The following SLX4 variants were observed in gnomAD, a reference collection of about 807,000 sequenced individuals.
The protein encoded by SLX4 is structure-specific endonuclease subunit SLX4.
In SLX4, 112 loss-of-function variants were observed where a neutral mutation model predicts 146.2. The ratio of observed to expected loss-of-function variants is 0.77; its 90% CI spans 0.66 to 0.90. The LOEUF (loss-of-function observed/expected upper bound fraction) is 0.90, where lower values mean the gene tolerates loss of function less well. Ranked by LOEUF, SLX4 falls within the 40% of genes least tolerant of loss-of-function variation. SLX4 has a pLI of 0.00. For missense variants in SLX4, 2,563 were observed against 2,392.7 expected, an observed-to-expected ratio of 1.07 and a Z score of -1.49; for synonymous variants, 1,061 against 997.7, an observed-to-expected ratio of 1.06 and a Z score of -1.20.
At chr16:3,584,193 C>T (rs907132819) in intron 13 of SLX4, among the ~76,000 whole-genome samples, 2 of 152,010 alleles carry the variant, frequency 1.3e-5, no homozygotes, top group Non-Finnish European at 2.9e-5. Flanking sequence ...GAAGCCGAGG[C>T]GGGTGGATCA....
intron 12 of SLX4, among the ~76,000 whole-genome samples, chr16:3,587,137 G>A (rs2040516245): frequency 6.6e-6 from 1 of 152,184 alleles, no homozygotes; most frequent in Non-Finnish European, 1.5e-5. Flanking sequence ...GAGAAGCACT[G>A]AACTGTCCAT....
At chr16:3,586,474 T>C (rs1428558636) in intron 12 of SLX4, among the ~76,000 whole-genome samples, 1 of 151,396 alleles carries the variant, frequency 6.6e-6, no homozygotes, top group African/African-American at 2.4e-5. Context: ...TGAGCTGTAA[T>C]TGCGCCACTG....
chr16:3,597,957 G>T lies in SLX4; in HGVS notation c.1206C>A (p.Thr402=), dbSNP rs748087847. The T allele has an allele frequency of 6.2e-7, 1 of 1,614,130 alleles. No individual in the cohort carries two copies. Among genetic ancestry groups the T allele is most frequent in the Non-Finnish European group, 8.5e-7 (1 of 1,180,038 alleles). ...HSRGLKRRGP[T]SKKEPRKRRK... is the part of the protein sequence containing the mutation. ...GCCTCTTCCGTGGCTCCTTCTTGCT[G>T]GTGGGTCCTCTCCGTTTCAGACCTC... The change falls in exon 6 of 15, where the codon ACC becomes ACA. Residue 402 remains threonine (T), a synonymous_variant. Coordinates refer to ENST00000294008, the MANE Select transcript of SLX4 (RefSeq NM_032444.4). The surrounding 1 kb of genome is among the most constrained non-coding windows in gnomAD (Gnocchi z 4.4).
At position 3,609,003 on chromosome 16, in the gene SLX4, G is replaced by GTTTGCA; in HGVS notation, c.-45_-40dup. Reference sequence around the variant, plus strand: ...TACTTCTCCATTAGATACTTGGAGAGTTTGCACAATTGAACAAAAAGTACT... The same window carrying GTTTGCA: ...TACTTCTCCATTAGATACTTGGAGAGTTTGCATTTGCACAATTGAACAAAAAGTACT... On this transcript the variant is annotated 5_prime_UTR_variant, in exon 2 of 15. The change creates a new upstream start codon in the 5' untranslated region. Transcript: ENST00000294008. The GTTTGCA allele has an allele frequency of 6.3e-7, 1 of 1,598,532 alleles. No homozygotes were observed. Among genetic ancestry groups the GTTTGCA allele is most frequent in the Non-Finnish European group, 8.5e-7 (1 of 1,173,680 alleles).
intron 10 of SLX4, among the ~76,000 whole-genome samples, chr16:3,594,242 C>T (rs914412237): frequency 6.6e-6 from 1 of 152,126 alleles, no homozygotes; most frequent in Non-Finnish European, 1.5e-5. Flanking sequence ...CACACCCACT[C>T]CTAACCTCAA....
At position 3,582,229 on chromosome 16, in the gene SLX4, G is replaced by A. The variant is rs76661336; in HGVS notation, c.*113C>T. 49,034 of 840,902 alleles carry A rather than the reference G, an allele frequency of 0.058. 1,658 individuals are homozygous for A. Among genetic ancestry groups the A allele is most frequent in the Admixed American group, 0.066 (3,131 of 47,434 alleles). The allele number at this position is 840,902 out of a possible 1,614,324, so 52.1% of individuals were successfully genotyped here. A position where few individuals can be genotyped will look rare whatever the true frequency, so the allele number is the denominator to read the frequency against. On this transcript the variant is annotated 3_prime_UTR_variant, in exon 15 of 15. Coordinates refer to ENST00000294008, the MANE Select transcript of SLX4 (RefSeq NM_032444.4). ...AGCGCAGAGCTGATGTGGTCCCCAG[G>A]CCCAGAAATGCCTGTGGAGGCCTGA...
chr16:3,585,010 TCAC>T (rs944858380), intron 12 of SLX4, 139 bp from the exon 13 acceptor site: 1 of 731,766 alleles, frequency 1.4e-6, no homozygotes, highest in Non-Finnish European at 2.5e-6. Flanking sequence ...GCAACAGTGG[TCAC>T]CCCTTCCCTG....
In SLX4 at chr16:3,608,809, T is replaced by C; in HGVS notation, c.156A>G (p.Lys52=). Residue 52 remains lysine (K), a synonymous_variant, in exon 2 of 15, where the codon AAA becomes AAG. Coordinates refer to ENST00000294008, the MANE Select transcript of SLX4 (RefSeq NM_032444.4). The part of the protein sequence containing the change: ...QMMDESDEDF[K]ELCASFFQRV... The stretch of plus-strand genomic sequence containing the variant: ...TTTGGAAAAAGCTAGCGCAGAGTTC[T>C]TTAAAGTCCTCATCAGACTCATCCA... 6.2e-7 allele frequency: 1 copy of C among 1,614,166 alleles called. No individual in the cohort carries two copies. The highest frequency in any genetic ancestry group is 8.5e-7 in the Non-Finnish European group (1 of 1,180,042).
At chr16:3,606,105 C>T (rs983378772) in intron 3 of SLX4, among the ~76,000 whole-genome samples, 3 of 151,618 alleles carry the variant, frequency 2.0e-5, no homozygotes, top group Admixed American at 6.6e-5. Context: ...ACTAAAAATA[C>T]AAAAATTGGC....
At chr16:3,598,310 A>C (rs2151132357) in intron 5 of SLX4, among the ~76,000 whole-genome samples, 1 of 152,322 alleles carries the variant, frequency 6.6e-6, no homozygotes, top group East Asian at 1.9e-4. Context: ...CAATGGAGTC[A>C]ACAATCGATG....
intron 12 of SLX4, among the ~76,000 whole-genome samples, chr16:3,585,329 G>A (rs2040495222): frequency 6.6e-6 from 1 of 152,190 alleles, no homozygotes; most frequent in African/African-American, 2.4e-5. Context: ...GCTCACGCCT[G>A]TAATCCCAGC....
chr16:3,600,736 G>A (rs180808202), intron 5 of SLX4: 3 of 442,572 alleles, frequency 6.8e-6, no homozygotes, highest in African/African-American at 6.1e-5. Context: ...AAGTAGCTGG[G>A]ACTACAGGCA....
Position 3,584,854 on chromosome 16 carries a change from T to G in SLX4, c.4654A>C (p.Lys1552Gln). 6.2e-7 allele frequency: 1 copy of G among 1,613,608 alleles called. No individual in the cohort carries two copies. The highest frequency in any genetic ancestry group is 1.7e-5 in the Admixed American group (1 of 60,012). ...LETPKGANRK[K>Q]NLPPKVPITP... is the part of the protein sequence containing the mutation. The stretch of plus-strand genomic sequence containing the variant: ...ATGGGCACTTTGGGGGGCAAGTTCT[T>G]CTTCCGATTAGCACCTTCTGGGTAA... The change falls in exon 13 of 15, where the codon AAG becomes CAG. Residue 1552 changes from lysine to glutamine, a missense_variant. By Grantham distance (53) the Lys-to-Gln change is moderately conservative. Transcript: ENST00000294008.
rs574924075 is a variant in SLX4, at chr16:3,607,902, G to A, written c.535+528C>T. 5.9e-5 allele frequency among the ~76,000 whole-genome samples: 9 copies of A among 152,186 alleles called. No homozygotes were observed. The South Asian group carries it at 1.9e-3, about 32-fold the overall frequency. ...AAAACAAGAGAAGCAGCATTATTGT[G>A]TTGTTTGTGTAACTCATGTCAATCA... On this transcript the variant is annotated intron_variant, in intron 2 of 14. Transcript: ENST00000294008.
intron 12 of SLX4, among the ~76,000 whole-genome samples, chr16:3,587,819 G>A (rs2040524940): frequency 6.6e-6 from 1 of 152,200 alleles, no homozygotes; most frequent in South Asian, 2.1e-4. Context: ...CTGGATTTTG[G>A]GAGGAAATGG....
chr16:3,593,575 AT>A (rs1026981317), intron 10 of SLX4, among the ~76,000 whole-genome samples: 2 of 152,158 alleles, frequency 1.3e-5, no homozygotes, highest in Admixed American at 6.5e-5. Flanking sequence ...GTTTATGCAG[AT>A]TTTTGGCCAA....
Position 3,589,072 on chromosome 16 carries a change from T to C in SLX4, c.4566A>G (p.Pro1522=). The C allele has an allele frequency of 1.2e-6, 2 of 1,614,138 alleles. No homozygotes were observed. Among genetic ancestry groups the C allele is most frequent in the Middle Eastern group, 1.7e-4 (1 of 6,060 alleles). Residue 1522 remains proline, a synonymous_variant, in exon 12 of 15, where the codon CCA becomes CCG. Transcript: ENST00000294008. This position sits in a 1 kb window ranked among gnomAD's most constrained non-coding sequence, Gnocchi z 6.2. The part of the protein sequence containing the change: ...DVWDGEEQRP[P]ETPPPAQMPS... ...GCATCTGGGCCGGAGGAGGGGTCTC[T>C]GGAGGCCTCTGCTCTTCCCCGTCCC... is the stretch of plus-strand genomic sequence containing the variant.
Position 3,596,140 on chromosome 16 carries a change from C to G in SLX4, c.1924+13G>C. ...GGGCAGGGCTGGCCCTAGAGTCCCA[C>G]CCAGCATCTCACCTGCAGTCCCTTC... On this transcript the variant is annotated intron_variant, in intron 8 of 14. Transcript: ENST00000294008. The G allele has an allele frequency of 3.2e-6, 5 of 1,547,870 alleles. No individual in the cohort carries two copies. The highest frequency in any genetic ancestry group is 3.5e-6 in the Non-Finnish European group (4 of 1,148,544).
Position 3,590,878 on chromosome 16 carries a change from C to G in SLX4, c.2760G>C (p.Trp920Cys), listed in dbSNP as rs2151125201. ...EPGRDEAATT[W>C]EKMGQCALPP... Reference sequence around the variant, plus strand: ...GGAGAGCGCACTGTCCCATCTTCTCCCAGGTGGTGGCGGCCTCATCTCTTC... The same window carrying G: ...GGAGAGCGCACTGTCCCATCTTCTCGCAGGTGGTGGCGGCCTCATCTCTTC... The change falls in exon 12 of 15, where the codon TGG becomes TGC. Residue 920 changes from tryptophan to cysteine, a missense_variant. Coordinates refer to ENST00000294008, the MANE Select transcript of SLX4 (RefSeq NM_032444.4). This position sits in a 1 kb window ranked among gnomAD's most constrained non-coding sequence, Gnocchi z 4.8. 1.2e-6 allele frequency: 2 copies of G among 1,614,132 alleles called. No individual in the cohort carries two copies. Among genetic ancestry groups the G allele is most frequent in the Non-Finnish European group, 1.7e-6 (2 of 1,180,024 alleles).
Sources: gnomAD v4.1 joint callset for allele counts (sites outside exome capture counted in the v4.1 genomes callset) on GRCh38, gnomAD v4.1.1 for gene constraint, Gnocchi (gnomAD v3.1) non-coding constraint, MANE v1.5 for transcripts, NCBI Gene and HGNC (gene_info 2026-07-23, HGNC 2026-07-21) for gene names.